Variants in LRP1B observed in about 807,000 individuals in gnomAD.
The protein encoded by LRP1B is low-density lipoprotein receptor-related protein 1B.
In LRP1B, 217 loss-of-function variants were observed where a neutral mutation model predicts 556.6. The observed-to-expected ratio is 0.39, with a 90% CI of 0.35 to 0.44. LRP1B has a LOEUF of 0.44. Ranked by LOEUF, LRP1B falls within the 20% of genes least tolerant of loss-of-function variation. LRP1B has a pLI of 1.00. For synonymous variants in LRP1B, 2,047 were observed against 1,865.8 expected (o/e 1.10, Z -2.50); for missense variants, 5,053 against 5,620.8 (o/e 0.90, Z 3.23).
chr2:141,680,654 A>C (rs137886343), intron 2 of LRP1B, among the ~76,000 whole-genome samples: 16 of 152,280 alleles, frequency 1.1e-4, no homozygotes, highest in African/African-American at 3.4e-4. Flanking sequence ...AGGGAACAGA[A>C]GGGACAGTTT....
At chr2:142,070,709 A>G (rs1559054139) in intron 1 of LRP1B, among the ~76,000 whole-genome samples, 1 of 151,242 alleles carries the variant, frequency 6.6e-6, no homozygotes, top group East Asian at 1.9e-4. Flanking sequence ...ATTGATATTG[A>G]TTAAACCACT....
chr2:140,866,997 G>T (rs1217738366), intron 27 of LRP1B, among the ~76,000 whole-genome samples: 2 of 151,970 alleles, frequency 1.3e-5, no homozygotes, highest in Non-Finnish European at 2.9e-5. Flanking sequence ...ATTTCCAAGG[G>T]TTATATCACA....
At chr2:140,568,200 CAAAAAA>C (rs56676136) in intron 43 of LRP1B, among the ~76,000 whole-genome samples, 1 of 123,702 alleles carries the variant, frequency 8.1e-6, no homozygotes, top group Non-Finnish European at 1.7e-5. Context: ...CACCATGGTC[CAAAAAA>C]AAAAAAAAAA....
intron 45 of LRP1B, among the ~76,000 whole-genome samples, chr2:140,538,817 G>GA (rs11401510): frequency 0.49 from 74,486 of 151,760 alleles, 18,609 homozygotes; most frequent in South Asian, 0.59. Context: ...ATTTTCCAAT[G>GA]AAAAAATAAT....
rs1475679756 is a variant in LRP1B, at chr2:140,336,732, A to T, written c.11893-894T>A. ...TTATCTTAACATTCTGTTTTACTGTATTACTGTGAGACAAAGGTAGCAGAA... is the reference window on the plus strand; with the variant it reads ...TTATCTTAACATTCTGTTTTACTGTTTTACTGTGAGACAAAGGTAGCAGAA... On this transcript the variant is annotated intron_variant, in intron 77 of 90. Coordinates refer to ENST00000389484, the MANE Select transcript of LRP1B (RefSeq NM_018557.3). 3.9e-5 allele frequency among the ~76,000 whole-genome samples: 6 copies of T among 152,068 alleles called. No individual in the cohort carries two copies. The South Asian group carries it at 1.0e-3, about 26-fold the overall frequency.
intron 1 of LRP1B, among the ~76,000 whole-genome samples, chr2:141,938,899 A>G (rs1043710475): frequency 5.9e-5 from 9 of 152,132 alleles, no homozygotes; most frequent in African/African-American, 2.2e-4. Context: ...CCAGACCCAG[A>G]TAGAAAAATA....
intron 85 of LRP1B, among the ~76,000 whole-genome samples, chr2:140,272,328 A>C (rs1325142598): frequency 6.6e-6 from 1 of 151,564 alleles, no homozygotes; most frequent in Non-Finnish European, 1.5e-5. Flanking sequence ...AAAGTTAATT[A>C]CTAGTTATTC....
At chr2:142,118,681 C>A (rs1707356271) in intron 1 of LRP1B, among the ~76,000 whole-genome samples, 1 of 152,098 alleles carries the variant, frequency 6.6e-6, no homozygotes. Flanking sequence ...ATAAATCATA[C>A]CTCGTATTCA....
At chr2:141,412,785 T>C (rs1224023923) in intron 3 of LRP1B, among the ~76,000 whole-genome samples, 1 of 152,028 alleles carries the variant, frequency 6.6e-6, no homozygotes, top group East Asian at 1.9e-4. Context: ...AAATGATAAA[T>C]CCTGAATCCC....
intron 2 of LRP1B, among the ~76,000 whole-genome samples, chr2:141,648,801 C>T (rs776688702): frequency 6.6e-6 from 1 of 152,130 alleles, no homozygotes; most frequent in Non-Finnish European, 1.5e-5. Flanking sequence ...GCTAAAATTG[C>T]CAAAGCCTTC....
intron 3 of LRP1B, among the ~76,000 whole-genome samples, chr2:141,256,460 T>G (rs558639718): frequency 1.3e-4 from 20 of 152,178 alleles, no homozygotes; most frequent in African/African-American, 4.6e-4. Context: ...ATTTTCTGTT[T>G]AGGCAACAGG....
intron 1 of LRP1B, among the ~76,000 whole-genome samples, chr2:141,919,760 T>C (rs1700133023): frequency 6.6e-6 from 1 of 152,074 alleles, no homozygotes; most frequent in African/African-American, 2.4e-5. Context: ...GAACAATACG[T>C]AACATTTGAA....
intron 3 of LRP1B, among the ~76,000 whole-genome samples, chr2:141,422,462 A>G (rs1680179721): frequency 6.6e-6 from 1 of 152,224 alleles, no homozygotes; most frequent in African/African-American, 2.4e-5. Context: ...TTAAGCCACT[A>G]ACATATTTTA....
chr2:141,769,909 A>T (rs1195411628), intron 2 of LRP1B, among the ~76,000 whole-genome samples: 2 of 152,134 alleles, frequency 1.3e-5, no homozygotes, highest in Non-Finnish European at 2.9e-5. Flanking sequence ...ATGCTAAGAG[A>T]GGTTAAGTGA....
rs181639987 is a variant in LRP1B, at chr2:141,151,907, A to G, written c.1013+36514T>C. 7.9e-5 allele frequency among the ~76,000 whole-genome samples: 12 copies of G among 152,232 alleles called. No homozygotes were observed. In the East Asian group the frequency reaches 2.1e-3, roughly 27 times the overall value. On this transcript the variant is annotated intron_variant, in intron 7 of 90. Coordinates refer to ENST00000389484, the MANE Select transcript of LRP1B (RefSeq NM_018557.3). ...TGGCTGTTTGTGGAAGTTTATAACT[A>G]TGGCAAGATGTCACTTTAATACTGA...
intron 25 of LRP1B, among the ~76,000 whole-genome samples, chr2:140,872,054 T>TG (rs1432647338): frequency 6.8e-6 from 1 of 147,470 alleles, no homozygotes; most frequent in African/African-American, 2.5e-5. Flanking sequence ...CCTTCATGTT[T>TG]TTTTTTTTTT....
chr2:141,046,743 T>A (rs570095820), intron 11 of LRP1B, among the ~76,000 whole-genome samples: 1 of 152,182 alleles, frequency 6.6e-6, no homozygotes, highest in African/African-American at 2.4e-5. Context: ...TGACACAGTT[T>A]AAAAGGAAAC....
intron 3 of LRP1B, among the ~76,000 whole-genome samples, chr2:141,269,622 C>T (rs543321874): frequency 1.3e-5 from 2 of 152,204 alleles, no homozygotes; most frequent in South Asian, 2.1e-4. Flanking sequence ...CTGAAAAAGC[C>T]AAGCCCAGAT....
chr2:142,016,990 G>A (rs1202360575), intron 1 of LRP1B, among the ~76,000 whole-genome samples: 1 of 150,082 alleles, frequency 6.7e-6, no homozygotes, highest in African/African-American at 2.5e-5. Context: ...ATATGTATGT[G>A]TGTGTGTATA....
Sources: gnomAD v4.1 joint callset for allele counts (sites outside exome capture counted in the v4.1 genomes callset) on GRCh38, gnomAD v4.1.1 for gene constraint, MANE v1.5 for transcripts, NCBI Gene and HGNC (gene_info 2026-07-23, HGNC 2026-07-21) for gene names.